Variants in ELF1 observed in about 807,000 individuals in gnomAD.
ELF1 encodes E74 like ETS transcription factor 1, also known as ETS-related transcription factor Elf-1.
Under a neutral mutation model 59.9 loss-of-function variants are expected in ELF1, and 24 were observed. That is an observed-to-expected ratio of 0.40 (90% CI 0.29 to 0.56). The LOEUF (loss-of-function observed/expected upper bound fraction) is 0.56, where lower values mean the gene tolerates loss of function less well. Ranked by LOEUF, ELF1 falls within the 20% of genes least tolerant of loss-of-function variation. The pLI is 0.44. For missense variants in ELF1, 627 were observed against 742.2 expected (o/e 0.84, Z 1.80); for synonymous variants, 248 against 266.2 (o/e 0.93, Z 0.67).
intron 1 of ELF1, among the ~76,000 whole-genome samples, chr13:41,025,719 A>G (rs568876748): frequency 1.3e-5 from 2 of 152,342 alleles, no homozygotes; most frequent in Admixed American, 1.3e-4. Flanking sequence ...CAAAAGAGAC[A>G]TACTGCTGAT....
Position 40,989,127 on chromosome 13 carries a change from G to A in ELF1, c.-228-6845C>T, listed in dbSNP as rs147982518. ...TAGCTATTTTAAATACAGTATTATT[G>A]CTAGAATTTACATTAAAATATGCGA... On this transcript the variant is annotated intron_variant, in intron 1 of 8. Transcript: ENST00000239882. Among the ~76,000 whole-genome samples, 864 of 152,222 alleles carry A rather than the reference G, an allele frequency of 5.7e-3. 8 individuals carry two copies. Among genetic ancestry groups the A allele is most frequent in the South Asian group, 0.013 (65 of 4,828 alleles).
chr13:40,956,881 A>T (rs1304373511), intron 3 of ELF1, among the ~76,000 whole-genome samples: 2 of 151,482 alleles, frequency 1.3e-5, no homozygotes, highest in African/African-American at 4.8e-5. Flanking sequence ...TAGTAGAAAC[A>T]GGATTTCACC....
chr13:40,932,403 G>C lies in ELF1; in HGVS notation c.*1022C>G, dbSNP rs758471222. The stretch of plus-strand genomic sequence containing the variant: ...GCTTTTATAACTGACTACTCAGCCA[G>C]ATTAGCCCAAGGCTCAAGTTGCTTT... On this transcript the variant is annotated 3_prime_UTR_variant, in exon 9 of 9. Transcript: ENST00000239882. 1.5e-5 allele frequency: 2 copies of C among 137,092 alleles called. No individual in the cohort carries two copies. The highest frequency in any genetic ancestry group is 2.8e-5 in the African/African-American group (1 of 35,904). 8.5% of individuals were successfully genotyped at this position (137,092 alleles called of 1,614,324 possible). A position where few individuals can be genotyped will look rare whatever the true frequency, so the allele number is the denominator to read the frequency against.
At chr13:41,044,715 T>G (rs1876768143) in intron 1 of ELF1, among the ~76,000 whole-genome samples, 1 of 152,218 alleles carries the variant, frequency 6.6e-6, no homozygotes, top group African/African-American at 2.4e-5. Context: ...ACTGAGGATT[T>G]TTGCATCGAT....
intron 2 of ELF1, among the ~76,000 whole-genome samples, chr13:40,962,634 C>A (rs764585217): frequency 1.0e-4 from 15 of 145,136 alleles, no homozygotes; most frequent in Non-Finnish European, 1.5e-4. Flanking sequence ...TGCAGTGAAC[C>A]AAGGTCGCAC....
intron 1 of ELF1, among the ~76,000 whole-genome samples, chr13:41,016,077 T>C (rs150055805): frequency 2.1e-4 from 32 of 152,334 alleles, no homozygotes; most frequent in African/African-American, 7.0e-4. Context: ...AGTCATCTTT[T>C]ATCTCTAGGC....
chr13:40,958,749 G>C (rs975669680), intron 3 of ELF1, 87 bp downstream of exon 3: 1 of 1,454,046 alleles, frequency 6.9e-7, no homozygotes, highest in African/African-American at 1.4e-5. Flanking sequence ...CCAAGTTAGG[G>C]GCGTTTTATG....
At chr13:40,996,083 G>A (rs1161878087) in intron 1 of ELF1, among the ~76,000 whole-genome samples, 2 of 152,198 alleles carry the variant, frequency 1.3e-5, no homozygotes, top group African/African-American at 2.4e-5. Context: ...CACACCATAT[G>A]TCACTGGGGA....
At chr13:40,946,891 T>C (rs558624172) in intron 5 of ELF1, among the ~76,000 whole-genome samples, 13 of 152,298 alleles carry the variant, frequency 8.5e-5, no homozygotes, top group South Asian at 2.1e-4. Context: ...TAGTTTTACA[T>C]GGATTTTTGG....
At chr13:41,015,281 G>A (rs1209941762) in intron 1 of ELF1, among the ~76,000 whole-genome samples, 4 of 151,834 alleles carry the variant, frequency 2.6e-5, no homozygotes, top group African/African-American at 9.7e-5. Context: ...TTCGGGGGTG[G>A]ATCAGAGAAA....
At position 40,995,317 on chromosome 13, in the gene ELF1, C is replaced by G. The variant is rs555004008; in HGVS notation, c.-228-13035G>C. ...GACAATTAATGGCTTCCATCACCTACAGGCAAAACTCCAAATGTATTAACA... is the reference window on the plus strand; with the variant it reads ...GACAATTAATGGCTTCCATCACCTAGAGGCAAAACTCCAAATGTATTAACA... On this transcript the variant is annotated intron_variant, in intron 1 of 8. Transcript: ENST00000239882. Among the ~76,000 whole-genome samples, 5 of 152,284 alleles carry G rather than the reference C, an allele frequency of 3.3e-5. No individual in the cohort carries two copies. The South Asian group carries it at 8.3e-4, about 25-fold the overall frequency.
intron 8 of ELF1, among the ~76,000 whole-genome samples, chr13:40,937,095 TAAATA>T (rs1869835258): frequency 1.3e-5 from 2 of 152,242 alleles, no homozygotes; most frequent in Non-Finnish European, 2.9e-5. Context: ...ATTCAGAGAT[TAAATA>T]AAATATTATT....
chr13:40,993,331 A>G, intron 1 of ELF1: 1 of 1,421,336 alleles, frequency 7.0e-7, no homozygotes, highest in Non-Finnish European at 9.9e-7. Context: ...CCTTTTTCAC[A>G]TTTCAGCTAC....
At chr13:40,946,462 G>A (rs1351146659) in intron 5 of ELF1, among the ~76,000 whole-genome samples, 1 of 152,132 alleles carries the variant, frequency 6.6e-6, no homozygotes, top group Non-Finnish European at 1.5e-5. Flanking sequence ...TTATAGATTA[G>A]TTGGTAGTTT....
At chr13:41,060,898 C>T (rs1369178513) in exon 1 of ELF1, 3 of 352,066 alleles carry the variant, frequency 8.5e-6, no homozygotes, top group Non-Finnish European at 1.7e-5. Flanking sequence ...CGCCTCTGCG[C>T]TACTGAAGCT....
chr13:41,040,403 CT>C (rs1876557181), intron 1 of ELF1, among the ~76,000 whole-genome samples: 1 of 152,080 alleles, frequency 6.6e-6, no homozygotes, highest in Non-Finnish European at 1.5e-5. Context: ...TCACATAATA[CT>C]TATATATGCA....
chr13:40,986,951 T>TTTG (rs1873582536), intron 1 of ELF1, among the ~76,000 whole-genome samples: 1 of 149,070 alleles, frequency 6.7e-6, no homozygotes, highest in Non-Finnish European at 1.5e-5. Context: ...TTTTTTTTTT[T>TTTG]TTTTGAGTGG....
At chr13:41,044,890 T>C (rs1876776031) in intron 1 of ELF1, among the ~76,000 whole-genome samples, 1 of 152,224 alleles carries the variant, frequency 6.6e-6, no homozygotes, top group Non-Finnish European at 1.5e-5. Flanking sequence ...TCCTTGTACC[T>C]CTGGTAGAAT....
chr13:41,032,580 C>T (rs1876208466), intron 1 of ELF1, among the ~76,000 whole-genome samples: 1 of 151,978 alleles, frequency 6.6e-6, no homozygotes, highest in Non-Finnish European at 1.5e-5. Flanking sequence ...AAAAACAGGG[C>T]CGGGCACAGT....
Sources: gnomAD v4.1 joint callset for allele counts (sites outside exome capture counted in the v4.1 genomes callset) on GRCh38, gnomAD v4.1.1 for gene constraint, MANE v1.5 for transcripts, NCBI Gene and HGNC (gene_info 2026-07-23, HGNC 2026-07-21) for gene names.